Variants in MARK2 observed in about 807,000 individuals in gnomAD.
MARK2 encodes serine/threonine-protein kinase MARK2.
In MARK2, 16 loss-of-function variants were observed where a neutral mutation model predicts 89.8. The ratio of observed to expected loss-of-function variants is 0.18; its 90% CI spans 0.12 to 0.27. The LOEUF (loss-of-function observed/expected upper bound fraction) is 0.27. Among genes scored for constraint, MARK2 ranks in the 10% least tolerant of loss-of-function variants. MARK2 has a pLI of 1.00. For synonymous variants in MARK2, 382 were observed against 399.5 expected (o/e 0.96, Z 0.52); for missense variants, 621 against 1,049.9 (o/e 0.59, Z 5.65).
chr11:63,859,893 G>C (rs1427944207), intron 1 of MARK2, among the ~76,000 whole-genome samples: 1 of 152,174 alleles, frequency 6.6e-6, no homozygotes, highest in Non-Finnish European at 1.5e-5. Flanking sequence ...GCCTCCTAAA[G>C]TACTGGGATG....
Position 63,843,779 on chromosome 11 carries a change from C to T in MARK2, c.54+4219C>T, listed in dbSNP as rs188799375. Among the ~76,000 whole-genome samples the T allele has an allele frequency of 4.9e-4, 75 of 152,268 alleles. 1 individual carries two copies. In the East Asian group the frequency reaches 0.01, roughly 21 times the overall value. ...TAGCTGGGACTACAGGCGCCCACCA[C>T]CATGCTGGCTAATTTTTGTATTTTT... On this transcript the variant is annotated intron_variant, in intron 1 of 18. Coordinates refer to ENST00000402010, the MANE Select transcript of MARK2 (RefSeq NM_001039469.3).
At chr11:63,863,120 G>A (rs1038168365) in intron 1 of MARK2, among the ~76,000 whole-genome samples, 1 of 152,180 alleles carries the variant, frequency 6.6e-6, no homozygotes, top group Non-Finnish European at 1.5e-5. Flanking sequence ...ACATCCTGCT[G>A]TGTGTCTCTT....
At chr11:63,854,770 C>T (rs1212533645) in intron 1 of MARK2, among the ~76,000 whole-genome samples, 1 of 148,680 alleles carries the variant, frequency 6.7e-6, no homozygotes, top group Non-Finnish European at 1.5e-5. Context: ...GAGATCGCAC[C>T]ATTGCACTCT....
chr11:63,863,258 G>A (rs376657430), intron 1 of MARK2, among the ~76,000 whole-genome samples: 10 of 152,120 alleles, frequency 6.6e-5, no homozygotes, highest in Admixed American at 3.3e-4. Context: ...TGGGGACTAG[G>A]CATCTAGATA....
intron 1 of MARK2, among the ~76,000 whole-genome samples, chr11:63,863,225 A>T (rs940317466): frequency 1.3e-5 from 2 of 152,172 alleles, no homozygotes; most frequent in Non-Finnish European, 2.9e-5. Flanking sequence ...GCCGGTCCCC[A>T]TAGCTGTGCA....
Position 63,877,165 on chromosome 11 carries a change from A to C in MARK2, c.55-17994A>C, listed in dbSNP as rs184240732. Among the ~76,000 whole-genome samples the C allele has an allele frequency of 4.8e-3, 599 of 123,970 alleles. 6 individuals carry two copies. The highest frequency in any genetic ancestry group is 0.017 in the African/African-American group (544 of 32,186). The allele number at this position is 123,970 out of a possible 152,430, so 81.3% of individuals were successfully genotyped here. A position where few individuals can be genotyped will look rare whatever the true frequency, so the allele number is the denominator to read the frequency against. On this transcript the variant is annotated intron_variant, in intron 1 of 18. Transcript: ENST00000402010. ...TGCTCTGTCAACGAGGCTGGAGTGC[A>C]GTGGCATGATTTCGGCTCACTGCAG...
At chr11:63,907,007 G>GGTCT (rs964118464) in intron 17 of MARK2, among the ~76,000 whole-genome samples, 2 of 152,098 alleles carry the variant, frequency 1.3e-5, no homozygotes, top group Non-Finnish European at 2.9e-5. Flanking sequence ...CTTACTCAGG[G>GGTCT]GTCTCCCTTC....
intron 1 of MARK2, among the ~76,000 whole-genome samples, chr11:63,851,104 T>G (rs2016552813): frequency 6.6e-6 from 1 of 152,206 alleles, no homozygotes; most frequent in Non-Finnish European, 1.5e-5. Context: ...GTTATCTGCG[T>G]TTCAGAGACC....
intron 1 of MARK2, among the ~76,000 whole-genome samples, chr11:63,894,382 G>A (rs574176154): frequency 6.6e-6 from 1 of 152,302 alleles, no homozygotes; most frequent in African/African-American, 2.4e-5. Flanking sequence ...ATGCAGGAAG[G>A]GCTACTACGT....
chr11:63,907,389 AC>A (rs1157502467), intron 17 of MARK2, among the ~76,000 whole-genome samples: 3 of 152,074 alleles, frequency 2.0e-5, no homozygotes, highest in Non-Finnish European at 4.4e-5. Context: ...GCTTGTGTGC[AC>A]CCCTGTGTTG....
In MARK2 at chr11:63,839,467, C is replaced by G; in HGVS notation, c.-40C>G. 7.2e-7 allele frequency: 1 copy of G among 1,392,346 alleles called. No individual in the cohort carries two copies. Among genetic ancestry groups the G allele is most frequent in the Non-Finnish European group, 9.9e-7 (1 of 1,012,038 alleles). The allele number at this position is 1,392,346 out of a possible 1,614,324, so 86.2% of individuals were successfully genotyped here. On this transcript the variant is annotated 5_prime_UTR_variant, in exon 1 of 19. Transcript: ENST00000402010. ...TCCGCGCCTTCCCTTCCCTCCCTTC[C>G]TCCAAGCTTCTCGGTTCCCTCCCCC...
Position 63,908,956 on chromosome 11 carries a change from A to G in MARK2, c.2086A>G (p.Thr696Ala), listed in dbSNP as rs1565153091. Residue 696 changes from threonine to alanine, a missense_variant, in exon 19 of 19, where the codon ACG becomes GCG. Coordinates refer to ENST00000402010, the MANE Select transcript of MARK2 (RefSeq NM_001039469.3). ...GGCCAAGCCCCGCTCCCTCCGCTTC[A>G]CGTGGAGTATGAAGACCACGAGCTC... is the stretch of plus-strand genomic sequence containing the variant. ...REAKPRSLRF[T>A]WSMKTTSSME... The G allele has an allele frequency of 6.5e-7, 1 of 1,543,014 alleles. No homozygotes were observed. Among genetic ancestry groups the G allele is most frequent in the Non-Finnish European group, 8.8e-7 (1 of 1,137,256 alleles).
At chr11:63,907,897 G>A (rs1941474746) in intron 17 of MARK2, among the ~76,000 whole-genome samples, 4 of 152,396 alleles carry the variant, frequency 2.6e-5, no homozygotes. Context: ...CAGCGCGTGA[G>A]CCCTGGCTGT....
intron 18 of MARK2, among the ~76,000 whole-genome samples, chr11:63,908,661 G>A (rs1941545143): frequency 6.6e-6 from 1 of 152,084 alleles, no homozygotes; most frequent in Non-Finnish European, 1.5e-5. Context: ...ACCCCACCCC[G>A]CCTACCCCAA....
At chr11:63,885,003 G>C (rs1351153985) in intron 1 of MARK2, among the ~76,000 whole-genome samples, 1 of 152,080 alleles carries the variant, frequency 6.6e-6, no homozygotes, top group African/African-American at 2.4e-5. Flanking sequence ...GGGAGTTCGA[G>C]ACCAGCCTGG....
intron 1 of MARK2, among the ~76,000 whole-genome samples, chr11:63,864,325 T>C (rs1185777178): frequency 1.3e-5 from 2 of 152,068 alleles, no homozygotes; most frequent in East Asian, 3.9e-4. Context: ...TGATCTCGGC[T>C]CACCGCAACC....
At chr11:63,899,677 C>A (rs1353562396) in intron 7 of MARK2, among the ~76,000 whole-genome samples, 197 bp from the exon 8 acceptor site, 1 of 152,228 alleles carries the variant, frequency 6.6e-6, no homozygotes, top group Non-Finnish European at 1.5e-5. Flanking sequence ...TGGCTGCCCA[C>A]GTGAGGAGTG....
intron 1 of MARK2, among the ~76,000 whole-genome samples, chr11:63,867,067 C>T (rs1938176258): frequency 6.6e-6 from 1 of 152,216 alleles, no homozygotes; most frequent in African/African-American, 2.4e-5. Flanking sequence ...CATTCTCTCA[C>T]CCAGGCTGGA....
At chr11:63,881,203 G>A (rs1468519711) in intron 1 of MARK2, among the ~76,000 whole-genome samples, 3 of 152,094 alleles carry the variant, frequency 2.0e-5, no homozygotes, top group Non-Finnish European at 2.9e-5. Flanking sequence ...TACTTGGGAG[G>A]CTGAGGCAGG....
Sources: gnomAD v4.1 joint callset for allele counts (sites outside exome capture counted in the v4.1 genomes callset) on GRCh38, gnomAD v4.1.1 for gene constraint, MANE v1.5 for transcripts, NCBI Gene and HGNC (gene_info 2026-07-23, HGNC 2026-07-21) for gene names.